AFF2: variants seen among roughly 807,000 people sequenced by gnomAD.
AFF2 encodes AF4/FMR2 family member 2.
A neutral mutation model predicts 76.9 loss-of-function variants in AFF2; 14 were observed. The ratio of observed to expected loss-of-function variants is 0.18; its 90% CI spans 0.12 to 0.28. The LOEUF (loss-of-function observed/expected upper bound fraction) is 0.28, where lower values mean the gene tolerates loss of function less well. Among genes scored for constraint, AFF2 ranks in the 10% least tolerant of loss-of-function variants. AFF2 has a pLI of 1.00. For synonymous variants in AFF2, 398 were observed against 366.7 expected, an observed-to-expected ratio of 1.09 and a Z score of -0.98; for missense variants, 868 against 1,001.1, an observed-to-expected ratio of 0.87 and a Z score of 1.79.
intron 9 of AFF2, among the ~76,000 whole-genome samples, chrX:148,949,154 C>T (rs1444582381): frequency 9.0e-6 from 1 of 110,695 alleles, no homozygotes; most frequent in Non-Finnish European, 1.9e-5. Flanking sequence ...GCAGAATAGT[C>T]GGTTTCTTCA....
chrX:148,985,306 T>TTTTTTTTTTTC (rs2072455640), intron 19 of AFF2, among the ~76,000 whole-genome samples: 1 of 70,910 alleles, frequency 1.4e-5, no homozygotes, highest in African/African-American at 5.6e-5. Context: ...TTTTTTTTTT[T>TTTTTTTTTTTC]TTTTTTTTTT....
intron 18 of AFF2, among the ~76,000 whole-genome samples, 155 bp downstream of exon 18, chrX:148,978,610 A>G (rs782226667): frequency 3.0e-4 from 34 of 112,374 alleles, no homozygotes; most frequent in African/African-American, 1.1e-3. Flanking sequence ...GGGCTCAGCA[A>G]GGAGTTTATG....
intron 4 of AFF2, among the ~76,000 whole-genome samples, chrX:148,824,589 A>G (rs1181286949): frequency 8.9e-6 from 1 of 111,909 alleles, no homozygotes; most frequent in Non-Finnish European, 1.9e-5. Flanking sequence ...ATAAAAAGCC[A>G]TTACTTGGAA....
chrX:148,643,704 A>G (rs1203916575), intron 1 of AFF2, among the ~76,000 whole-genome samples: 1 of 111,238 alleles, frequency 9.0e-6, no homozygotes, highest in East Asian at 2.8e-4. Context: ...TTGACATGAG[A>G]TTCAAGGAGA....
chrX:148,930,975 G>A (rs782115515), intron 9 of AFF2, among the ~76,000 whole-genome samples: 3 of 111,754 alleles, frequency 2.7e-5, no homozygotes, highest in Admixed American at 9.4e-5. Context: ...ATATGCAGCC[G>A]GGCACGGTGG....
Position 148,779,369 on chromosome X carries a change from C to T in AFF2, c.1042-30507C>T, listed in dbSNP as rs183544365. On this transcript the variant is annotated intron_variant, in intron 3 of 20. Coordinates refer to ENST00000370460, the MANE Select transcript of AFF2 (RefSeq NM_002025.4). ...AGATGTCAATTAGGTCCACTTGGTC[C>T]AGAGTTGAGTTTAAGTCCTGAATAT... 3.6e-5 allele frequency among the ~76,000 whole-genome samples: 4 copies of T among 111,630 alleles called. No homozygotes were observed. In the East Asian group the frequency reaches 1.1e-3, roughly 31 times the overall value.
At chrX:148,549,342 A>G (rs965516873) in intron 1 of AFF2, among the ~76,000 whole-genome samples, 3 of 112,594 alleles carry the variant, frequency 2.7e-5, no homozygotes, top group Non-Finnish European at 3.8e-5. Context: ...ATTTTCGGAT[A>G]TAGCTAACCT....
chrX:148,649,096 G>A (rs1408294143), intron 1 of AFF2, among the ~76,000 whole-genome samples: 4 of 111,689 alleles, frequency 3.6e-5, no homozygotes, highest in African/African-American at 1.3e-4. Flanking sequence ...AGGCCTGGGT[G>A]TGTAAAGATG....
intron 3 of AFF2, among the ~76,000 whole-genome samples, chrX:148,771,501 T>C (rs1390552041): frequency 1.8e-5 from 2 of 112,542 alleles, no homozygotes; most frequent in African/African-American, 6.5e-5. Context: ...CCCTGATTTT[T>C]ATATTGAACT....
At chrX:148,931,682 G>A (rs145089574) in intron 9 of AFF2, among the ~76,000 whole-genome samples, 1,445 of 111,888 alleles carry the variant, frequency 0.013, 10 homozygotes, top group Non-Finnish European at 0.02. Flanking sequence ...TTCTGCTGTA[G>A]GTATTATGTC....
chrX:148,898,495 G>T (rs1569556799), intron 8 of AFF2, among the ~76,000 whole-genome samples: 1 of 112,174 alleles, frequency 8.9e-6, no homozygotes, highest in Non-Finnish European at 1.9e-5. Context: ...AGCAGTAGTT[G>T]CAGGAAGAGT....
chrX:148,779,740 G>A (rs782237673), intron 3 of AFF2, among the ~76,000 whole-genome samples: 47 of 111,877 alleles, frequency 4.2e-4, no homozygotes, highest in African/African-American at 6.5e-4. Context: ...CATTTAGCCC[G>A]TTTACATTTA....
At chrX:148,975,177 G>T (rs1198301223) in intron 16 of AFF2, among the ~76,000 whole-genome samples, 1 of 111,841 alleles carries the variant, frequency 8.9e-6, no homozygotes, top group Admixed American at 9.5e-5. Flanking sequence ...CATTGTGTAG[G>T]GAAAGCCATA....
At chrX:148,630,212 G>A (rs781986799) in intron 1 of AFF2, among the ~76,000 whole-genome samples, 2 of 111,282 alleles carry the variant, frequency 1.8e-5, no homozygotes, top group East Asian at 5.7e-4. Flanking sequence ...CTTGATGAGG[G>A]AGGAGGTTTC....
At chrX:148,516,871 G>A (rs1557233865) in intron 1 of AFF2, among the ~76,000 whole-genome samples, 2 of 111,728 alleles carry the variant, frequency 1.8e-5, no homozygotes, top group African/African-American at 6.5e-5. Context: ...TGTGACCATC[G>A]TTTCATCCTG....
chrX:148,994,691 T>C lies in AFF2; in HGVS notation c.*3359T>C, dbSNP rs1170916771. On this transcript the variant is annotated 3_prime_UTR_variant, in exon 21 of 21. Coordinates refer to ENST00000370460, the MANE Select transcript of AFF2 (RefSeq NM_002025.4). ...TTGGACATTACATCACTAAATTCATTAGATTTTGTCTGCATTGGAAAGATA... is the reference window on the plus strand; with the variant it reads ...TTGGACATTACATCACTAAATTCATCAGATTTTGTCTGCATTGGAAAGATA... 1 of 112,496 alleles carries C rather than the reference T, an allele frequency of 8.9e-6. No individual in the cohort carries two copies. Among genetic ancestry groups the C allele is most frequent in the Non-Finnish European group, 1.9e-5 (1 of 53,338 alleles). 9.3% of individuals were successfully genotyped at this position (112,496 alleles called of 1,213,427 possible).
At chrX:148,533,017 C>T (rs1387894116) in intron 1 of AFF2, among the ~76,000 whole-genome samples, 1 of 111,800 alleles carries the variant, frequency 8.9e-6, no homozygotes, top group African/African-American at 3.3e-5. Flanking sequence ...GAGATCATCT[C>T]AATCCATTAT....
At chrX:148,773,738 G>GAAAGAAAGAA (rs1557268314) in intron 3 of AFF2, among the ~76,000 whole-genome samples, 4 of 107,761 alleles carry the variant, frequency 3.7e-5, no homozygotes, top group Non-Finnish European at 7.7e-5. Flanking sequence ...AAGAAAGAAA[G>GAAAGAAAGAA]AAAGAAAGAG....
At chrX:148,618,346 G>A (rs1405058935) in intron 1 of AFF2, among the ~76,000 whole-genome samples, 2 of 111,263 alleles carry the variant, frequency 1.8e-5, no homozygotes, top group African/African-American at 6.5e-5. Flanking sequence ...AGTCATGGTG[G>A]AAAGGGAAAC....
Sources: allele counts gnomAD v4.1 joint callset (sites outside exome capture counted in the v4.1 genomes callset), GRCh38; gene constraint gnomAD v4.1.1; transcripts MANE v1.5; gene names NCBI Gene and HGNC (gene_info 2026-07-23, HGNC 2026-07-21).